The following PRR5L variants were observed in gnomAD, a reference collection of about 807,000 sequenced individuals.
The protein encoded by PRR5L is proline rich 5 like.
A neutral mutation model predicts 36.4 loss-of-function variants in PRR5L; 21 were observed. That is an observed-to-expected ratio of 0.58 (90% CI 0.41 to 0.83). PRR5L has a LOEUF of 0.83. PRR5L is among the 40% of genes least tolerant of loss of function. The pLI is 0.00. For missense variants in PRR5L, 381 were observed against 473.3 expected (o/e 0.80, Z 1.81); for synonymous variants, 188 against 197.0 (o/e 0.95, Z 0.38).
intron 7 of PRR5L, among the ~76,000 whole-genome samples, chr11:36,449,568 A>G (rs1312948470): frequency 2.0e-5 from 3 of 152,324 alleles, no homozygotes; most frequent in East Asian, 3.9e-4. Context: ...GCTGATGCAG[A>G]CAGGTCCTGA....
chr11:36,323,967 T>C (rs867121135), intron 1 of PRR5L, among the ~76,000 whole-genome samples: 1 of 152,326 alleles, frequency 6.6e-6, no homozygotes, highest in Middle Eastern at 3.4e-3. Flanking sequence ...TCTCTTACAT[T>C]GTTAGTAGGA....
chr11:36,424,266 A>G (rs115795851), intron 4 of PRR5L, among the ~76,000 whole-genome samples: 1,559 of 152,318 alleles, frequency 0.01, 16 homozygotes, highest in African/African-American at 0.034. Context: ...TCACCCGAAA[A>G]TGAGCTCTGA....
At chr11:36,441,160 T>C (rs909176065) in intron 6 of PRR5L, among the ~76,000 whole-genome samples, 4 of 152,186 alleles carry the variant, frequency 2.6e-5, no homozygotes, top group Admixed American at 6.5e-5. Context: ...TCCTGCCCAA[T>C]AGTCCCCTAA....
At chr11:36,337,602 A>G (rs1252109247) in intron 1 of PRR5L, among the ~76,000 whole-genome samples, 1 of 152,190 alleles carries the variant, frequency 6.6e-6, no homozygotes, top group Non-Finnish European at 1.5e-5. Flanking sequence ...ATGCTCATTT[A>G]TTCTTCTTGC....
At chr11:36,298,093 G>A (rs759227405) in intron 1 of PRR5L, among the ~76,000 whole-genome samples, 1 of 152,146 alleles carries the variant, frequency 6.6e-6, no homozygotes, top group Non-Finnish European at 1.5e-5. Context: ...GTCCCTTGAA[G>A]CTGGTTGCCT....
chr11:36,357,710 A>C (rs990018601), intron 1 of PRR5L, among the ~76,000 whole-genome samples: 2 of 151,714 alleles, frequency 1.3e-5, no homozygotes, highest in African/African-American at 4.8e-5. Context: ...ACTATTCAGA[A>C]AAAAAAAAGA....
intron 1 of PRR5L, among the ~76,000 whole-genome samples, chr11:36,355,632 C>A (rs953563778): frequency 1.3e-5 from 2 of 151,670 alleles, no homozygotes; most frequent in African/African-American, 4.9e-5. Context: ...TCACTGCAAC[C>A]TCTGCCTCCT....
rs1208460092 is a variant in PRR5L at position 36,377,861 on chromosome 11, T to G, written c.-125-23136T>G. The G allele has an allele frequency of 6.6e-6, 1 of 152,212 alleles. No homozygotes were observed. The highest frequency in any genetic ancestry group is 6.5e-5 in the Admixed American group (1 of 15,282). The allele number at this position is 152,212 out of a possible 1,614,324, so 9.4% of individuals were successfully genotyped here. A position where few individuals can be genotyped will look rare whatever the true frequency, so the allele number is the denominator to read the frequency against. On this transcript the variant is annotated intron_variant, in intron 1 of 8. Transcript: ENST00000530639. The surrounding 1 kb of genome is among the most constrained non-coding windows in gnomAD (Gnocchi z 5.1). The stretch of plus-strand genomic sequence containing the variant: ...CCGGAGACCCGCGTGGAAAAAGCTC[T>G]GGGCTGGAATCTCCGGGCTTCCCTG...
intron 1 of PRR5L, among the ~76,000 whole-genome samples, chr11:36,375,060 C>A (rs1403964740): frequency 6.6e-6 from 1 of 151,984 alleles, no homozygotes; most frequent in Non-Finnish European, 1.5e-5. Flanking sequence ...CATGGTGAAA[C>A]CCTATCTCTA....
At chr11:36,392,572 T>C (rs389199) in intron 1 of PRR5L, among the ~76,000 whole-genome samples, 4,467 of 152,320 alleles carry the variant, frequency 0.029, 187 homozygotes, top group African/African-American at 0.097. Context: ...TGATCAATGA[T>C]GTATTAGTCC....
intron 1 of PRR5L, among the ~76,000 whole-genome samples, chr11:36,356,036 C>T (rs563507767): frequency 6.6e-6 from 1 of 151,986 alleles, no homozygotes; most frequent in East Asian, 1.9e-4. Context: ...CTCAGCCCTT[C>T]AAGTAGCTGG....
At chr11:36,428,679 G>T (rs2133595351) in intron 4 of PRR5L, among the ~76,000 whole-genome samples, 2 of 152,294 alleles carry the variant, frequency 1.3e-5, no homozygotes, top group South Asian at 4.1e-4. Flanking sequence ...TTTGGAGAGG[G>T]AGACCCTACT....
chr11:36,318,645 A>G (rs1411636801), intron 1 of PRR5L, among the ~76,000 whole-genome samples: 1 of 152,170 alleles, frequency 6.6e-6, no homozygotes, highest in East Asian at 1.9e-4. Flanking sequence ...AAAAGGAGGA[A>G]ATTTTGGAGT....
rs1857282695 is a variant in PRR5L at position 36,377,292 on chromosome 11, G to A, written c.-125-23705G>A. ...GGTGGGCCAGGGCCCAGCCAGTGGG[G>A]ATCCCGCCGGGACGGGCTGTGAGCA... is the stretch of plus-strand genomic sequence containing the variant. On this transcript the variant is annotated intron_variant, in intron 1 of 8. Coordinates refer to ENST00000530639, the MANE Select transcript of PRR5L (RefSeq NM_001160167.2). This position sits in a 1 kb window ranked among gnomAD's most constrained non-coding sequence, Gnocchi z 5.1. Among the ~76,000 whole-genome samples the A allele has an allele frequency of 2.6e-5, 4 of 152,214 alleles. No individual in the cohort carries two copies. Among genetic ancestry groups the A allele is most frequent in the African/African-American group, 7.2e-5 (3 of 41,472 alleles).
At chr11:36,444,591 G>A (rs4756321) in intron 6 of PRR5L, among the ~76,000 whole-genome samples, 93,502 of 152,050 alleles carry the variant, frequency 0.61, 29,310 homozygotes, top group Non-Finnish European at 0.66. Context: ...GACCTTCTAG[G>A]GAATTCCTAA....
chr11:36,306,406 A>T (rs552575075), intron 1 of PRR5L, among the ~76,000 whole-genome samples: 1 of 152,308 alleles, frequency 6.6e-6, no homozygotes, highest in African/African-American at 2.4e-5. Context: ...CCTGCAAAGG[A>T]CATGAACTCA....
intron 1 of PRR5L, among the ~76,000 whole-genome samples, chr11:36,333,525 C>A (rs1296113163): frequency 6.6e-6 from 1 of 152,152 alleles, no homozygotes; most frequent in Admixed American, 6.5e-5. Flanking sequence ...CACAACCATA[C>A]AACAGAATAC....
rs1857306537 is a variant in PRR5L, at chr11:36,377,992, C to G, written c.-125-23005C>G. The stretch of plus-strand genomic sequence containing the variant: ...CCGGCCCAATGTACTGCCTTCATCC[C>G]CCACCATCCTCAAGGGACCCTTGCT... On this transcript the variant is annotated intron_variant, in intron 1 of 8. Coordinates refer to ENST00000530639, the MANE Select transcript of PRR5L (RefSeq NM_001160167.2). This position sits in a 1 kb window ranked among gnomAD's most constrained non-coding sequence, Gnocchi z 5.1. 6.6e-6 allele frequency among the ~76,000 whole-genome samples: 1 copy of G among 152,164 alleles called. No homozygotes were observed. The highest frequency in any genetic ancestry group is 1.5e-5 in the Non-Finnish European group (1 of 68,026).
At chr11:36,396,849 T>C (rs181391933) in intron 1 of PRR5L, among the ~76,000 whole-genome samples, 4 of 152,302 alleles carry the variant, frequency 2.6e-5, no homozygotes, top group African/African-American at 7.2e-5. Context: ...TAGAGTTCCT[T>C]ATGCCAGCTT....
Sources: allele counts gnomAD v4.1 joint callset (sites outside exome capture counted in the v4.1 genomes callset), GRCh38; gene constraint gnomAD v4.1.1; non-coding constraint Gnocchi (gnomAD v3.1); transcripts MANE v1.5; gene names NCBI Gene and HGNC (gene_info 2026-07-23, HGNC 2026-07-21).